ZNF114: variants seen among roughly 807,000 people sequenced by gnomAD.
ZNF114 encodes zinc finger protein 114 (Y18).
ZNF114 carries 8 observed loss-of-function variants against 6.8 expected under a neutral mutation model. The observed-to-expected ratio is 1.18, with a 90% CI of 0.69 to 2.13. The LOEUF is 2.13. Ranked by LOEUF, ZNF114 falls within the 30% of genes most tolerant of loss-of-function variation. The pLI, the probability that ZNF114 is intolerant of heterozygous loss-of-function variation, is 0.00. For synonymous variants in ZNF114, 169 were observed against 185.5 expected, an observed-to-expected ratio of 0.91 and a Z score of 0.72; for missense variants, 472 against 519.5, an observed-to-expected ratio of 0.91 and a Z score of 0.89.
At position 48,286,797 on chromosome 19, in the gene ZNF114, G is replaced by A. The variant is rs770324643; in HGVS notation, c.1173G>A (p.Lys391=). Residue 391 remains lysine (K), a synonymous_variant, in exon 6 of 6, where the codon AAG becomes AAA. Transcript: ENST00000595607. ...CTGGAGAGAAACCCTATAAATGTAA[G>A]ACATGTGGAAAAGACTTTGCAAAGT... The part of the protein sequence containing the change: ...SHTGEKPYKC[K]TCGKDFAKSS... 3.7e-6 allele frequency: 6 copies of A among 1,607,090 alleles called. No individual in the cohort carries two copies. The South Asian group carries it at 6.7e-5, about 18-fold the overall frequency.
chr19:48,280,849 G>A (rs1210258385), intron 4 of ZNF114, among the ~76,000 whole-genome samples: 1 of 152,108 alleles, frequency 6.6e-6, no homozygotes, highest in Non-Finnish European at 1.5e-5. Context: ...CACCATGCCC[G>A]GCCAGGGTTT....
chr19:48,275,325 T>A (rs2147284192), intron 3 of ZNF114, among the ~76,000 whole-genome samples: 1 of 151,674 alleles, frequency 6.6e-6, no homozygotes, highest in East Asian at 1.9e-4. Flanking sequence ...GTGGCTTTAA[T>A]CCCAGCACTT....
At position 48,286,679 on chromosome 19, in the gene ZNF114, G is replaced by A; in HGVS notation, c.1055G>A (p.Arg352Lys). The A allele has an allele frequency of 6.2e-7, 1 of 1,612,328 alleles. No individual in the cohort carries two copies. Among genetic ancestry groups the A allele is most frequent in the Non-Finnish European group, 8.5e-7 (1 of 1,179,578 alleles). ...TCCTTACACCTTAATAAACATTTAA[G>A]AAAGCATGTTGTGCAGAAGAAGCCC... ...RYSLHLNKHL[R>K]KHVVQKKPYE... is the part of the protein sequence containing the mutation. The change falls in exon 6 of 6, where the codon AGA becomes AAA. Residue 352 changes from arginine to lysine, a missense_variant. Physicochemically the swap from Arg to Lys is conservative, Grantham distance 26. Transcript: ENST00000595607.
chr19:48,270,790 AAAG>A (rs1292113423), intron 1 of ZNF114, among the ~76,000 whole-genome samples: 6 of 152,002 alleles, frequency 3.9e-5, no homozygotes, highest in South Asian at 2.1e-4. Flanking sequence ...AAAGAAAAGA[AAAG>A]AAGGGCCGGG....
At chr19:48,282,204 T>G in intron 4 of ZNF114, 167 bp from the exon 5 acceptor site, 1 of 927,312 alleles carries the variant, frequency 1.1e-6, no homozygotes, top group Non-Finnish European at 1.6e-6. Context: ...GGCCACAACC[T>G]CATCTTAATT....
intron 4 of ZNF114, among the ~76,000 whole-genome samples, 191 bp downstream of exon 4, chr19:48,279,999 C>T (rs1187067235): frequency 6.6e-6 from 1 of 152,140 alleles, no homozygotes; most frequent in East Asian, 1.9e-4. Flanking sequence ...GGGACCACCC[C>T]CACCCCAGTA....
intron 4 of ZNF114, 159 bp from the exon 5 acceptor site, chr19:48,282,212 A>G: frequency 9.9e-7 from 1 of 1,009,302 alleles, no homozygotes; most frequent in South Asian, 1.6e-5. Context: ...CCTCATCTTA[A>G]TTCATTGACA....
chr19:48,275,989 A>T (rs1967819026), intron 3 of ZNF114, among the ~76,000 whole-genome samples: 1 of 151,674 alleles, frequency 6.6e-6, no homozygotes, highest in South Asian at 2.1e-4. Flanking sequence ...CTCAAAAAAA[A>T]AAAAGCTATA....
chr19:48,285,604 G>A (rs1480768111), intron 5 of ZNF114, among the ~76,000 whole-genome samples, 157 bp from the exon 6 acceptor site: 1 of 151,108 alleles, frequency 6.6e-6, no homozygotes, highest in Middle Eastern at 3.2e-3. Context: ...AGAAAGGAAG[G>A]AAGGAAGGAA....
chr19:48,287,496 C>G lies in ZNF114; in HGVS notation c.*618C>G, dbSNP rs1322126512. The G allele has an allele frequency of 8.3e-6, 1 of 120,398 alleles. No individual in the cohort carries two copies. The highest frequency in any genetic ancestry group is 2.6e-4 in the South Asian group (1 of 3,854). 7.5% of individuals were successfully genotyped at this position (120,398 alleles called of 1,614,324 possible). On this transcript the variant is annotated 3_prime_UTR_variant, in exon 6 of 6. Coordinates refer to ENST00000595607, the MANE Select transcript of ZNF114 (RefSeq NM_153608.4). ...TGGGGGAAAGAGCGAGACTCCGTCT[C>G]AAAAAAAAAAAAAAGTAGGAAAGAC...
chr19:48,285,647 G>GGAAA (rs140236127), intron 5 of ZNF114, 114 bp from the exon 6 acceptor site: 302 of 1,190,200 alleles, frequency 2.5e-4, no homozygotes, highest in East Asian at 2.1e-3. Context: ...AGGGAGGGAG[G>GGAAA]GAAAGAAAGA....
rs748032376 is a variant in ZNF114 at position 48,286,626 on chromosome 19, T to C, written c.1002T>C (p.Cys334=). 1 of 1,613,792 alleles carries C rather than the reference T, an allele frequency of 6.2e-7. No homozygotes were observed. The highest frequency in any genetic ancestry group is 8.5e-7 in the Non-Finnish European group (1 of 1,179,970). ...ACACTGGAGAGAAACCGTATGAATGTGGGAAATGTGGGAAAGCCTTTAGAT... is the reference window on the plus strand; with the variant it reads ...ACACTGGAGAGAAACCGTATGAATGCGGGAAATGTGGGAAAGCCTTTAGAT... ...KIHTGEKPYE[C]GKCGKAFRYS... Residue 334 remains cysteine (C), a synonymous_variant, in exon 6 of 6, where the codon TGT becomes TGC. Transcript: ENST00000595607.
At chr19:48,274,866 C>T (rs1967783288) in intron 3 of ZNF114, among the ~76,000 whole-genome samples, 1 of 152,118 alleles carries the variant, frequency 6.6e-6, no homozygotes, top group South Asian at 2.1e-4. Flanking sequence ...TTCCAGGGCT[C>T]ACACCCTCGA....
rs376131927 is a variant in ZNF114 at position 48,279,763 on chromosome 19, G to A, written c.-37G>A. On this transcript the variant is annotated 5_prime_UTR_variant, in exon 4 of 6. Coordinates refer to ENST00000595607, the MANE Select transcript of ZNF114 (RefSeq NM_153608.4). ...TCACCTGCCTCCTTGAAGGAAACAC[G>A]GGGAAGCCAGGACTGGCCGTCACGT... 1.2e-4 allele frequency: 192 copies of A among 1,613,806 alleles called. 2 individuals are homozygous for A. Among genetic ancestry groups the A allele is most frequent in the African/African-American group, 1.1e-3 (80 of 75,014 alleles).
chr19:48,272,944 C>T (rs1180043205), intron 3 of ZNF114, among the ~76,000 whole-genome samples: 4 of 151,770 alleles, frequency 2.6e-5, no homozygotes, highest in African/African-American at 7.2e-5. Flanking sequence ...TACAGGCGCC[C>T]GCCACCGCGC....
chr19:48,281,290 G>A (rs1568993109), intron 4 of ZNF114, among the ~76,000 whole-genome samples: 1 of 152,086 alleles, frequency 6.6e-6, no homozygotes, highest in Non-Finnish European at 1.5e-5. Context: ...TCACAGTTCT[G>A]CAGGCTGGAA....
Position 48,286,772 on chromosome 19 carries a change from CTG to C in ZNF114, c.1149_1150del (p.Gly384ArgfsTer5). The C allele has an allele frequency of 6.2e-7, 1 of 1,612,886 alleles. No individual in the cohort carries two copies. Among genetic ancestry groups the C allele is most frequent in the Non-Finnish European group, 8.5e-7 (1 of 1,179,726 alleles). On this transcript the variant is annotated frameshift_variant, in exon 6 of 6. Transcript: ENST00000595607. LOFTEE classifies it low-confidence loss of function (END_TRUNC). Reference sequence around the variant, plus strand: ...AAATATACACATATAAGGAGCCACACTGGAGAGAAACCCTATAAATGTAAGAC... The same window carrying C: ...AAATATACACATATAAGGAGCCACACGAGAGAAACCCTATAAATGTAAGAC...
In ZNF114 at chr19:48,279,862, A is replaced by G. The variant is rs77652829; in HGVS notation, c.9+54A>G. 8.2e-5 allele frequency: 132 copies of G among 1,613,098 alleles called. No homozygotes were observed. The East Asian group carries it at 2.6e-3, about 32-fold the overall frequency. On this transcript the variant is annotated intron_variant, in intron 4 of 5. Coordinates refer to ENST00000595607, the MANE Select transcript of ZNF114 (RefSeq NM_153608.4). Reference sequence around the variant, plus strand: ...AGCGTGTTGTCGTTCCCACGAGTCAATGTGCCTCTGCCTGTGGCTGGGAGT... The same window carrying G: ...AGCGTGTTGTCGTTCCCACGAGTCAGTGTGCCTCTGCCTGTGGCTGGGAGT...
intron 4 of ZNF114, chr19:48,281,792 T>G (rs1967999674): frequency 6.6e-6 from 1 of 152,176 alleles, no homozygotes; most frequent in Non-Finnish European, 1.5e-5. Flanking sequence ...CCCAAAGTGC[T>G]GGGATTACAG....
Sources: allele counts gnomAD v4.1 joint callset (sites outside exome capture counted in the v4.1 genomes callset), GRCh38; gene constraint gnomAD v4.1.1; transcripts MANE v1.5; gene names NCBI Gene and HGNC (gene_info 2026-07-23, HGNC 2026-07-21).